ROBO2: variants seen among roughly 807,000 people sequenced by gnomAD.
ROBO2 encodes roundabout guidance receptor 2.
A neutral mutation model predicts 160.8 loss-of-function variants in ROBO2; 53 were observed. That is an observed-to-expected ratio of 0.33 (90% CI 0.26 to 0.41). The LOEUF is 0.41. Ranked by LOEUF, ROBO2 falls within the 10% of genes least tolerant of loss-of-function variation. ROBO2 has a pLI of 1.00. For synonymous variants in ROBO2, 664 were observed against 611.7 expected (o/e 1.09, Z -1.26); for missense variants, 1,577 against 1,722.4 (o/e 0.92, Z 1.49).
At chr3:76,234,136 T>C (rs1450324557) in intron 2 of ROBO2, among the ~76,000 whole-genome samples, 1 of 152,216 alleles carries the variant, frequency 6.6e-6, no homozygotes, top group Non-Finnish European at 1.5e-5. Context: ...TCTATGTTGC[T>C]GCAAAAGACA....
chr3:77,046,171 C>T (rs946766686), intron 1 of ROBO2, among the ~76,000 whole-genome samples: 1 of 152,180 alleles, frequency 6.6e-6, no homozygotes, highest in Non-Finnish European at 1.5e-5. Context: ...AACTGCAAGA[C>T]TATTTTCCAA....
chr3:77,219,977 C>T (rs560457067), intron 2 of ROBO2, among the ~76,000 whole-genome samples: 6 of 151,628 alleles, frequency 4.0e-5, no homozygotes, highest in Admixed American at 2.6e-4. Flanking sequence ...CAGAACATGG[C>T]TTCAGAAAAC....
At chr3:76,948,984 G>A (rs566717266) in intron 2 of ROBO2, among the ~76,000 whole-genome samples, 2 of 140,006 alleles carry the variant, frequency 1.4e-5, no homozygotes, top group African/African-American at 5.4e-5. Context: ...CTCCTGACCT[G>A]AGGTGATCCA....
chr3:77,204,306 CTT>C (rs540469902), intron 2 of ROBO2, among the ~76,000 whole-genome samples: 41 of 151,142 alleles, frequency 2.7e-4, no homozygotes, highest in African/African-American at 9.7e-4. Context: ...AAATATGTTA[CTT>C]TTTTTTTAGC....
intron 2 of ROBO2, among the ~76,000 whole-genome samples, chr3:76,913,195 C>G (rs1559693657): frequency 1.3e-5 from 2 of 152,114 alleles, no homozygotes; most frequent in Non-Finnish European, 2.9e-5. Flanking sequence ...AAATGTGCCC[C>G]TCCCCATAAA....
chr3:75,967,787 T>C (rs1257714738), intron 2 of ROBO2, among the ~76,000 whole-genome samples: 1 of 151,368 alleles, frequency 6.6e-6, no homozygotes, highest in African/African-American at 2.4e-5. Flanking sequence ...ATGGCAGAGA[T>C]TTTCAGGAAT....
chr3:76,113,998 T>C (rs1356029690), intron 2 of ROBO2, among the ~76,000 whole-genome samples: 1 of 152,188 alleles, frequency 6.6e-6, no homozygotes, highest in Non-Finnish European at 1.5e-5. Context: ...AAAAGCTTCC[T>C]GAGGCCTCAC....
chr3:76,508,433 C>G (rs1042910295), intron 2 of ROBO2, among the ~76,000 whole-genome samples: 1 of 152,036 alleles, frequency 6.6e-6, no homozygotes, highest in Non-Finnish European at 1.5e-5. Flanking sequence ...TAATACATTC[C>G]TTGCAACAAT....
intron 2 of ROBO2, among the ~76,000 whole-genome samples, chr3:77,160,400 T>C (rs2078382435): frequency 6.6e-6 from 1 of 152,204 alleles, no homozygotes; most frequent in South Asian, 2.1e-4. Context: ...GATGTATTTG[T>C]AGATAAATTG....
At chr3:77,364,349 CCAG>C (rs1407353808) in intron 2 of ROBO2, among the ~76,000 whole-genome samples, 6 of 152,084 alleles carry the variant, frequency 3.9e-5, no homozygotes, top group African/African-American at 1.4e-4. Flanking sequence ...CCTTGGGGCA[CCAG>C]GGCAGAGTTT....
intron 2 of ROBO2, among the ~76,000 whole-genome samples, chr3:76,698,479 C>G (rs2092979923): frequency 6.6e-6 from 1 of 152,114 alleles, no homozygotes; most frequent in Non-Finnish European, 1.5e-5. Context: ...AAGCTACCGA[C>G]CTGATGGTAT....
At chr3:76,730,306 A>C (rs1576288966) in intron 2 of ROBO2, among the ~76,000 whole-genome samples, 1 of 64,126 alleles carries the variant, frequency 1.6e-5, no homozygotes, top group African/African-American at 1.1e-4. Flanking sequence ...CCTACTCCCT[A>C]CCCGCTTCTC....
In ROBO2 at chr3:76,134,357, T is replaced by G. The variant is rs558938892; in HGVS notation, c.109+196755T>G. On this transcript the variant is annotated intron_variant, in intron 2 of 26. Transcript: ENST00000487694. ...CAGTGATGACCCTCAGTGAGTCACC[T>G]GCTTGTCATGTATTCTCATCTTGAG... Among the ~76,000 whole-genome samples, 12 of 152,224 alleles carry G rather than the reference T, an allele frequency of 7.9e-5. No homozygotes were observed. In the South Asian group the frequency reaches 1.0e-3, roughly 13 times the overall value.
chr3:76,216,748 C>A (rs1703561922), intron 2 of ROBO2, among the ~76,000 whole-genome samples: 1 of 152,138 alleles, frequency 6.6e-6, no homozygotes, highest in Admixed American at 6.6e-5. Context: ...TTAGACAGCT[C>A]AACGAGACAG....
chr3:76,056,684 C>T (rs935201893), intron 2 of ROBO2, among the ~76,000 whole-genome samples: 8 of 152,110 alleles, frequency 5.3e-5, no homozygotes, highest in Non-Finnish European at 8.8e-5. Flanking sequence ...TTCTGAGGAA[C>T]ATTTATGATG....
At chr3:77,074,368 A>G (rs1416553006) in intron 1 of ROBO2, among the ~76,000 whole-genome samples, 1 of 152,194 alleles carries the variant, frequency 6.6e-6, no homozygotes, top group Non-Finnish European at 1.5e-5. Flanking sequence ...ACATAAAAGA[A>G]GTAGTTAGGA....
intron 2 of ROBO2, among the ~76,000 whole-genome samples, chr3:76,411,078 G>T (rs1487079702): frequency 6.6e-6 from 1 of 151,980 alleles, no homozygotes; most frequent in African/African-American, 2.4e-5. Flanking sequence ...CTATTCCATT[G>T]TGTTGAGTCA....
At chr3:76,314,364 G>A (rs1367676776) in intron 2 of ROBO2, among the ~76,000 whole-genome samples, 1 of 152,156 alleles carries the variant, frequency 6.6e-6, no homozygotes, top group East Asian at 1.9e-4. Flanking sequence ...CCATTCACAT[G>A]AGCATAACTC....
intron 2 of ROBO2, among the ~76,000 whole-genome samples, chr3:76,215,914 G>A (rs1198314987): frequency 6.6e-6 from 1 of 152,178 alleles, no homozygotes; most frequent in Non-Finnish European, 1.5e-5. Context: ...CAGAGAGAAA[G>A]GTCAGGTAAC....
Sources: gnomAD v4.1 joint callset for allele counts (sites outside exome capture counted in the v4.1 genomes callset) on GRCh38, gnomAD v4.1.1 for gene constraint, MANE v1.5 for transcripts, NCBI Gene and HGNC (gene_info 2026-07-23, HGNC 2026-07-21) for gene names.